The following DNAH14 variants were observed in gnomAD, a reference collection of about 807,000 sequenced individuals.
DNAH14 encodes axonemal beta dynein heavy chain 14.
In DNAH14, 478 loss-of-function variants were observed where a neutral mutation model predicts 520.9. The ratio of observed to expected loss-of-function variants is 0.92; its 90% CI spans 0.85 to 0.99. The LOEUF (loss-of-function observed/expected upper bound fraction) is 0.99, where lower values mean the gene tolerates loss of function less well. Ranked by LOEUF, DNAH14 falls within the 50% of genes least tolerant of loss-of-function variation. The pLI is 0.00. For synonymous variants in DNAH14, 1,581 were observed against 1,757.2 expected, an observed-to-expected ratio of 0.90 and a Z score of 2.51; for missense variants, 4,831 against 5,234.5, an observed-to-expected ratio of 0.92 and a Z score of 2.38.
intron 17 of DNAH14, among the ~76,000 whole-genome samples, chr1:225,068,279 G>C (rs2071146318): frequency 6.6e-6 from 1 of 151,932 alleles, no homozygotes; most frequent in African/African-American, 2.4e-5. Context: ...CCTATTTCTG[G>C]GCTTTCTGTT....
chr1:225,252,163 T>C, intron 43 of DNAH14, 138 bp from the exon 44 acceptor site: 2 of 634,836 alleles, frequency 3.2e-6, no homozygotes, highest in East Asian at 5.8e-5. Flanking sequence ...AACAGGCCTA[T>C]ACACTTGGAT....
chr1:225,100,099 C>G (rs2075319677), intron 22 of DNAH14, among the ~76,000 whole-genome samples: 1 of 152,110 alleles, frequency 6.6e-6, no homozygotes, highest in Non-Finnish European at 1.5e-5. Context: ...CTTATCACAT[C>G]ACATGTGGGT....
At chr1:225,331,331 T>C in intron 64 of DNAH14, 106 bp from the exon 65 acceptor site, 1 of 1,102,370 alleles carries the variant, frequency 9.1e-7, no homozygotes, top group South Asian at 1.8e-5. Flanking sequence ...TTTTCCAGGA[T>C]GTGAAAATGA....
intron 31 of DNAH14, among the ~76,000 whole-genome samples, chr1:225,148,666 C>T (rs745325067): frequency 6.6e-5 from 10 of 152,096 alleles, no homozygotes; most frequent in Non-Finnish European, 1.3e-4. Flanking sequence ...TCTCAAAGTG[C>T]TGGGATTACA....
intron 43 of DNAH14, among the ~76,000 whole-genome samples, chr1:225,243,210 T>G (rs2092073205): frequency 2.0e-5 from 3 of 152,192 alleles, no homozygotes; most frequent in Admixed American, 2.0e-4. Flanking sequence ...GTTAATAAAT[T>G]ATTCATTATA....
At chr1:225,373,226 G>A (rs1302757215) in intron 77 of DNAH14, among the ~76,000 whole-genome samples, 4 of 151,590 alleles carry the variant, frequency 2.6e-5, no homozygotes, top group African/African-American at 7.3e-5. Flanking sequence ...AGGGCCGGGC[G>A]CGGTGGGTAA....
At chr1:225,319,467 C>G (rs966795503) in intron 61 of DNAH14, among the ~76,000 whole-genome samples, 1 of 152,062 alleles carries the variant, frequency 6.6e-6, no homozygotes, top group Non-Finnish European at 1.5e-5. Context: ...AAATTTGGAG[C>G]AAACCTACCG....
At chr1:225,249,403 A>G (rs1243801734) in intron 43 of DNAH14, among the ~76,000 whole-genome samples, 1 of 152,188 alleles carries the variant, frequency 6.6e-6, no homozygotes, top group East Asian at 1.9e-4. Context: ...ATCCCTATCA[A>G]GAAGGAAAAT....
chr1:225,178,388 T>C (rs905020230), intron 36 of DNAH14, among the ~76,000 whole-genome samples: 13 of 152,162 alleles, frequency 8.5e-5, no homozygotes, highest in African/African-American at 3.1e-4. Context: ...CAGAAACCTC[T>C]GATAAACCCA....
intron 10 of DNAH14, among the ~76,000 whole-genome samples, chr1:225,021,367 T>C (rs1420974088): frequency 6.6e-6 from 1 of 152,208 alleles, no homozygotes; most frequent in African/African-American, 2.4e-5. Flanking sequence ...TGTTTGTAGA[T>C]GATATGATTC....
intron 44 of DNAH14, among the ~76,000 whole-genome samples, chr1:225,254,158 C>T (rs150088582): frequency 3.8e-4 from 57 of 151,372 alleles, no homozygotes; most frequent in African/African-American, 1.2e-3. Context: ...AGGGTAAGGA[C>T]GGCAGGAAAA....
intron 20 of DNAH14, among the ~76,000 whole-genome samples, chr1:225,084,419 G>A (rs2073497789): frequency 6.6e-6 from 1 of 152,060 alleles, no homozygotes; most frequent in South Asian, 2.1e-4. Context: ...TGACCCAGAG[G>A]TGGTGGTCAT....
At chr1:225,186,870 T>C (rs1333077510) in intron 37 of DNAH14, among the ~76,000 whole-genome samples, 1 of 151,856 alleles carries the variant, frequency 6.6e-6, no homozygotes, top group Admixed American at 6.6e-5. Context: ...TTTAAAGATA[T>C]AATTGTAATA....
At chr1:225,149,472 G>T (rs2080271032) in intron 31 of DNAH14, among the ~76,000 whole-genome samples, 1 of 152,166 alleles carries the variant, frequency 6.6e-6, no homozygotes. Context: ...GAATTAAAAT[G>T]TCACTGGTAA....
chr1:225,287,643 G>T (rs954860506), intron 54 of DNAH14, among the ~76,000 whole-genome samples: 4 of 152,118 alleles, frequency 2.6e-5, no homozygotes, highest in Non-Finnish European at 4.4e-5. Flanking sequence ...AGGGCTTACA[G>T]GCAGTGATCT....
At position 225,232,405 on chromosome 1, in the gene DNAH14, T is replaced by C. The variant is rs1002079799; in HGVS notation, c.6518+1254T>C. Reference sequence around the variant, plus strand: ...GCTTGTACATGTCTCTTGGTACTTATATGCAATAGTCAATCTTTTTAAAAC... The same window carrying C: ...GCTTGTACATGTCTCTTGGTACTTACATGCAATAGTCAATCTTTTTAAAAC... On this transcript the variant is annotated intron_variant, in intron 42 of 85. Transcript: ENST00000682510. This position sits in a 1 kb window ranked among gnomAD's most constrained non-coding sequence, Gnocchi z 4.2. Among the ~76,000 whole-genome samples the C allele has an allele frequency of 1.3e-5, 2 of 152,056 alleles. No homozygotes were observed. Among genetic ancestry groups the C allele is most frequent in the Admixed American group, 6.6e-5 (1 of 15,206 alleles).
At chr1:225,340,828 G>A (rs769439636) in intron 69 of DNAH14, 127 bp downstream of exon 69, 20 of 1,152,880 alleles carry the variant, frequency 1.7e-5, no homozygotes, top group Non-Finnish European at 2.4e-5. Context: ...ACTGATAAAG[G>A]TAGGTGAATC....
At chr1:225,149,886 C>G (rs901132249) in intron 31 of DNAH14, among the ~76,000 whole-genome samples, 1 of 152,110 alleles carries the variant, frequency 6.6e-6, no homozygotes, top group African/African-American at 2.4e-5. Flanking sequence ...TTTGGATGCC[C>G]TTAATTTCTT....
At chr1:224,969,749 C>G (rs2061395860) in intron 7 of DNAH14, 2 of 193,348 alleles carry the variant, frequency 1.0e-5, no homozygotes, top group East Asian at 2.5e-4. Flanking sequence ...TAATTTCTTA[C>G]ACCTGTCTTT....
Sources: gnomAD v4.1 joint callset for allele counts (sites outside exome capture counted in the v4.1 genomes callset) on GRCh38, gnomAD v4.1.1 for gene constraint, Gnocchi (gnomAD v3.1) non-coding constraint, MANE v1.5 for transcripts, NCBI Gene and HGNC (gene_info 2026-07-23, HGNC 2026-07-21) for gene names.